The following SLC35D1 variants were observed in gnomAD, a reference collection of about 807,000 sequenced individuals.
SLC35D1 encodes nucleotide sugar transporter SLC35D1.
A neutral mutation model predicts 46.7 loss-of-function variants in SLC35D1; 31 were observed. The observed-to-expected ratio is 0.66, with a 90% CI of 0.50 to 0.90. SLC35D1 has a LOEUF of 0.90. SLC35D1 is among the 40% of genes least tolerant of loss of function. SLC35D1 has a pLI of 0.00. For synonymous variants in SLC35D1, 195 were observed against 164.6 expected (o/e 1.18, Z -1.41); for missense variants, 397 against 426.2 (o/e 0.93, Z 0.60).
At chr1:66,988,618 G>A in the SLC35D1 span, 1 of 152,174 alleles carries the variant, frequency 6.6e-6, no homozygotes, top group Non-Finnish European at 1.5e-5. Context: ...CATTTTGCTT[G>A]CTCTTGAGTA....
intron 8 of SLC35D1, among the ~76,000 whole-genome samples, chr1:67,040,215 T>C (rs1668213765): frequency 6.6e-6 from 1 of 152,138 alleles, no homozygotes; most frequent in African/African-American, 2.4e-5. Context: ...CAGGCTGGTC[T>C]TGAATTCCTA....
chr1:67,042,121 G>GT, intron 8 of SLC35D1, 115 bp downstream of exon 8: 1 of 1,001,660 alleles, frequency 1.0e-6, no homozygotes, highest in Non-Finnish European at 1.6e-6. Flanking sequence ...TAAATGCTCA[G>GT]TTTTTGGTCA....
intron 8 of SLC35D1, among the ~76,000 whole-genome samples, chr1:67,024,119 AT>A (rs1329345530): frequency 6.7e-6 from 1 of 149,524 alleles, no homozygotes; most frequent in Non-Finnish European, 1.5e-5. Context: ...TAATTTTTGT[AT>A]TTTTTAGTAG....
chr1:67,033,379 T>C (rs1668057192), intron 8 of SLC35D1, among the ~76,000 whole-genome samples: 1 of 152,162 alleles, frequency 6.6e-6, no homozygotes, highest in Non-Finnish European at 1.5e-5. Context: ...TTCACATCCT[T>C]GCCAGCATTT....
intron 7 of SLC35D1, among the ~76,000 whole-genome samples, chr1:67,045,192 TTC>T (rs1645239189): frequency 6.6e-6 from 1 of 152,162 alleles, no homozygotes; most frequent in South Asian, 2.1e-4. Context: ...ATGCCAAAAC[TTC>T]TGTTTTTCTT....
chr1:67,046,372 C>A (rs1435235720), intron 7 of SLC35D1, among the ~76,000 whole-genome samples: 1 of 152,046 alleles, frequency 6.6e-6, no homozygotes, highest in East Asian at 1.9e-4. Flanking sequence ...ACATTCTACA[C>A]ATAATAGAAA....
chr1:66,997,329 T>C (rs1483933899), downstream of SLC35D1, among the ~76,000 whole-genome samples: 2 of 151,196 alleles, frequency 1.3e-5, no homozygotes, highest in Admixed American at 1.3e-4. Flanking sequence ...TGGACAGCAA[T>C]AGCAAAACCC....
In SLC35D1 at chr1:67,038,548, T is replaced by TAA. The variant is rs34359750; in HGVS notation, c.729+3686_729+3687dup. Among the ~76,000 whole-genome samples, 235 of 150,382 alleles carry TAA rather than the reference T, an allele frequency of 1.6e-3. 4 individuals are homozygous for TAA. The highest frequency in any genetic ancestry group is 0.014 in the South Asian group (68 of 4,732). ...TGTGACTGAATCACTGGCTTTGTAC[T>TAA]AAAAAAAAAATCCCATCTGGAGGTA... On this transcript the variant is annotated intron_variant, in intron 8 of 11. Coordinates refer to ENST00000235345, the MANE Select transcript of SLC35D1 (RefSeq NM_015139.3).
intron 7 of SLC35D1, among the ~76,000 whole-genome samples, chr1:67,045,298 A>G (rs1201831315): frequency 6.6e-6 from 1 of 152,264 alleles, no homozygotes; most frequent in African/African-American, 2.4e-5. Context: ...AACATGTATT[A>G]TTACATCTTA....
At chr1:67,009,856 AT>A (rs1267635438) in intron 10 of SLC35D1, among the ~76,000 whole-genome samples, 1 of 152,188 alleles carries the variant, frequency 6.6e-6, no homozygotes, top group African/African-American at 2.4e-5. Flanking sequence ...AGGAAAATAA[AT>A]TGTTCTACCA....
chr1:67,014,439 A>T (rs1310466028), intron 10 of SLC35D1, among the ~76,000 whole-genome samples: 2 of 152,096 alleles, frequency 1.3e-5, no homozygotes, highest in African/African-American at 4.8e-5. Context: ...TCTTATGGCT[A>T]AAATTTAAAA....
the SLC35D1 span, among the ~76,000 whole-genome samples, chr1:66,982,085 C>T: frequency 2.0e-5 from 3 of 152,148 alleles, no homozygotes; most frequent in East Asian, 5.8e-4. Flanking sequence ...TAACAGAATA[C>T]AAAGTGATTG....
chr1:67,043,382 G>GAA (rs143076064), intron 7 of SLC35D1, among the ~76,000 whole-genome samples: 2 of 150,188 alleles, frequency 1.3e-5, no homozygotes, highest in African/African-American at 4.9e-5. Flanking sequence ...AAATTAAAAA[G>GAA]AAAAAAAAAT....
chr1:67,007,620 A>G (rs575904925), intron 11 of SLC35D1, among the ~76,000 whole-genome samples: 1 of 152,336 alleles, frequency 6.6e-6, no homozygotes, highest in Admixed American at 6.5e-5. Context: ...CAATTCATGA[A>G]CCACCTGAAG....
chr1:67,029,219 A>G (rs1396795214), intron 8 of SLC35D1, among the ~76,000 whole-genome samples: 2 of 151,920 alleles, frequency 1.3e-5, no homozygotes, highest in African/African-American at 4.9e-5. Context: ...TTCCTTACTA[A>G]GTATGTGTAC....
chr1:66,974,020 T>C, the SLC35D1 span, among the ~76,000 whole-genome samples: 1 of 152,134 alleles, frequency 6.6e-6, no homozygotes, highest in Non-Finnish European at 1.5e-5. Context: ...TTTTTTGTTA[T>C]TAATAAAATA....
chr1:66,981,688 A>T, the SLC35D1 span: 1 of 938,878 alleles, frequency 1.1e-6, no homozygotes, highest in Non-Finnish European at 1.6e-6. Context: ...ATATTAGGAT[A>T]TATTTGTTAA....
chr1:66,978,128 G>A, the SLC35D1 span, among the ~76,000 whole-genome samples: 151 of 151,614 alleles, frequency 1.0e-3, no homozygotes, highest in East Asian at 0.011. Flanking sequence ...CCCAGGAGGC[G>A]GAGGTTGCAG....
At chr1:66,976,622 G>A in the SLC35D1 span, 4 of 1,604,764 alleles carry the variant, frequency 2.5e-6, no homozygotes, top group Admixed American at 5.1e-5. Flanking sequence ...TGGTGAATGT[G>A]TAGCATTCTA....
Sources: gnomAD v4.1 joint callset for allele counts (sites outside exome capture counted in the v4.1 genomes callset) on GRCh38, gnomAD v4.1.1 for gene constraint, MANE v1.5 for transcripts, NCBI Gene and HGNC (gene_info 2026-07-23, HGNC 2026-07-21) for gene names.